The following PLCZ1 variants were observed in gnomAD, a reference collection of about 807,000 sequenced individuals.
PLCZ1 encodes 1-phosphatidylinositol 4,5-bisphosphate phosphodiesterase zeta-1.
Under a neutral mutation model 76.8 loss-of-function variants are expected in PLCZ1, and 64 were observed. That is an observed-to-expected ratio of 0.83 (90% CI 0.68 to 1.03). PLCZ1 has a LOEUF of 1.03. Among genes scored for constraint, PLCZ1 ranks in the 50% least tolerant of loss-of-function variants. The pLI is 0.00. For missense variants in PLCZ1, 751 were observed against 713.7 expected, an observed-to-expected ratio of 1.05 and a Z score of -0.60; for synonymous variants, 248 against 230.8, an observed-to-expected ratio of 1.07 and a Z score of -0.68.
intron 4 of PLCZ1, among the ~76,000 whole-genome samples, chr12:18,720,175 C>T (rs1435505544): frequency 1.3e-5 from 2 of 152,044 alleles, no homozygotes; most frequent in African/African-American, 4.8e-5. Flanking sequence ...CTTGTAGTTG[C>T]ATGTAGTTAT....
the PLCZ1 span, among the ~76,000 whole-genome samples, chr12:18,676,479 A>G: frequency 6.6e-6 from 1 of 152,080 alleles, no homozygotes; most frequent in Non-Finnish European, 1.5e-5. Context: ...CTAGTATCCC[A>G]TTGAGTACTC....
At chr12:18,714,842 A>C (rs914814816) in intron 5 of PLCZ1, 2 of 152,074 alleles carry the variant, frequency 1.3e-5, no homozygotes, top group African/African-American at 4.8e-5. Context: ...CCCCAACAAC[A>C]AAGAATTATC....
chr12:18,683,345 A>G, intron 14 of PLCZ1, 21 bp from the exon 15 acceptor site: 1 of 1,606,698 alleles, frequency 6.2e-7, no homozygotes, highest in South Asian at 1.1e-5. Context: ...AATTATATCT[A>G]ATTAGACCAA....
chr12:18,670,016 C>A, the PLCZ1 span, among the ~76,000 whole-genome samples: 1 of 151,982 alleles, frequency 6.6e-6, no homozygotes, highest in Non-Finnish European at 1.5e-5. Context: ...TGGCTCAGCC[C>A]TTATGTCTTA....
chr12:18,661,230 A>G, the PLCZ1 span, among the ~76,000 whole-genome samples: 1 of 152,176 alleles, frequency 6.6e-6, no homozygotes, highest in Non-Finnish European at 1.5e-5. Context: ...CAAAGGGATT[A>G]TTTGAAGAAA....
At chr12:18,648,070 T>A in the PLCZ1 span, 3 of 1,336,010 alleles carry the variant, frequency 2.2e-6, no homozygotes, top group Non-Finnish European at 3.0e-6. Flanking sequence ...ACTACTTGTA[T>A]TTTTTTCACT....
intron 12 of PLCZ1, 46 bp downstream of exon 12, chr12:18,694,864 T>C: frequency 7.0e-7 from 1 of 1,424,718 alleles, no homozygotes; most frequent in Non-Finnish European, 9.7e-7. Context: ...CACTATCTAG[T>C]TTATATAATA....
intron 3 of PLCZ1, among the ~76,000 whole-genome samples, chr12:18,729,170 A>G (rs534335393): frequency 4.6e-4 from 70 of 152,208 alleles, no homozygotes; most frequent in African/African-American, 1.6e-3. Context: ...TCATCTGGCT[A>G]TAACTGTCAT....
Position 18,693,144 on chromosome 12 carries a change from G to T in PLCZ1, c.1461+1766C>A, listed in dbSNP as rs576802220. 7.3e-6 allele frequency: 11 copies of T among 1,516,252 alleles called. No homozygotes were observed. In the East Asian group the frequency reaches 2.5e-4, roughly 34 times the overall value. 93.9% of individuals were successfully genotyped at this position (1,516,252 alleles called of 1,614,324 possible). On this transcript the variant is annotated intron_variant, in intron 12 of 14. Transcript: ENST00000266505. Reference sequence around the variant, plus strand: ...GATCATTGATGACAATCATGCCATCGTGTCTACATCTGTGGGCTCAGAACA... The same window carrying T: ...GATCATTGATGACAATCATGCCATCTTGTCTACATCTGTGGGCTCAGAACA...
intron 3 of PLCZ1, chr12:18,731,102 G>A (rs1019919896): frequency 4.6e-5 from 7 of 152,080 alleles, no homozygotes; most frequent in African/African-American, 1.7e-4. Flanking sequence ...CCTCTTTGTG[G>A]TTTGTAAACT....
chr12:18,712,736 T>A (rs1174326225), intron 6 of PLCZ1, 106 bp downstream of exon 6: 1 of 1,371,034 alleles, frequency 7.3e-7, no homozygotes, highest in African/African-American at 1.4e-5. Flanking sequence ...AACCCACAAT[T>A]TGAAATATCA....
intron 5 of PLCZ1, among the ~76,000 whole-genome samples, chr12:18,716,820 T>C (rs986628465): frequency 3.9e-5 from 6 of 152,230 alleles, no homozygotes; most frequent in Non-Finnish European, 5.9e-5. Context: ...TATTTTCTAT[T>C]TGAAGTTGAA....
At chr12:18,717,107 A>G (rs933224345) in intron 5 of PLCZ1, among the ~76,000 whole-genome samples, 9 of 152,162 alleles carry the variant, frequency 5.9e-5, no homozygotes, top group African/African-American at 2.2e-4. Context: ...AAAGGTGGAT[A>G]AAGAAACAGA....
the PLCZ1 span, among the ~76,000 whole-genome samples, chr12:18,655,609 T>C: frequency 1.3e-5 from 2 of 152,026 alleles, no homozygotes; most frequent in Non-Finnish European, 2.9e-5. Flanking sequence ...CCCTGACAAA[T>C]ACTGCCTCAG....
chr12:18,736,887 A>G (rs1365409426), intron 2 of PLCZ1: 1 of 414,706 alleles, frequency 2.4e-6, no homozygotes, highest in Non-Finnish European at 4.8e-6. Flanking sequence ...CTACACACAC[A>G]CTCAAGACAG....
At chr12:18,720,089 A>G (rs1442352857) in intron 4 of PLCZ1, among the ~76,000 whole-genome samples, 4 of 152,066 alleles carry the variant, frequency 2.6e-5, no homozygotes, top group Admixed American at 2.6e-4. Context: ...GTTGCACTTT[A>G]TATGAATTGA....
chr12:18,652,899 G>T, the PLCZ1 span, among the ~76,000 whole-genome samples: 3 of 151,742 alleles, frequency 2.0e-5, no homozygotes, highest in African/African-American at 7.3e-5. Context: ...ACATATATAT[G>T]TATATGTTCA....
In PLCZ1 at chr12:18,687,966, A is replaced by G. The variant is rs890092822; in HGVS notation, c.1591+123T>C. 4.6e-6 allele frequency: 6 copies of G among 1,302,732 alleles called. No homozygotes were observed. The African/African-American group carries it at 8.9e-5, about 19-fold the overall frequency. 80.7% of individuals were successfully genotyped at this position (1,302,732 alleles called of 1,614,324 possible). ...GCATATAACATTTTGCTAATTTTGG[A>G]CATAATGGAAAACCCTTGTCTTATG... On this transcript the variant is annotated intron_variant, in intron 13 of 14. Transcript: ENST00000266505.
intron 5 of PLCZ1, among the ~76,000 whole-genome samples, chr12:18,717,516 GT>G (rs1343580919): frequency 6.6e-6 from 1 of 152,040 alleles, no homozygotes. Flanking sequence ...TTCCAATTCT[GT>G]TTTTCCAGTC....
Sources: allele counts gnomAD v4.1 joint callset (sites outside exome capture counted in the v4.1 genomes callset), GRCh38; gene constraint gnomAD v4.1.1; transcripts MANE v1.5; gene names NCBI Gene and HGNC (gene_info 2026-07-23, HGNC 2026-07-21).